Variants in THEMIS observed in about 807,000 individuals in gnomAD.
The protein encoded by THEMIS is protein THEMIS.
Under a neutral mutation model 52.6 loss-of-function variants are expected in THEMIS, and 37 were observed. The ratio of observed to expected loss-of-function variants is 0.70; its 90% confidence interval spans 0.54 to 0.93. THEMIS has a LOEUF of 0.93. Among genes scored for constraint, THEMIS ranks in the 40% least tolerant of loss-of-function variants. The pLI is 0.00. For synonymous variants in THEMIS, 292 were observed against 272.7 expected, an observed-to-expected ratio of 1.07 and a Z score of -0.70; for missense variants, 808 against 763.1, an observed-to-expected ratio of 1.06 and a Z score of -0.69.
chr6:127,886,059 A>C (rs1780635493), intron 1 of THEMIS, among the ~76,000 whole-genome samples: 1 of 151,980 alleles, frequency 6.6e-6, no homozygotes. Flanking sequence ...CCCTCCTTCC[A>C]GGCTCATTGG....
intron 2 of THEMIS, among the ~76,000 whole-genome samples, chr6:127,836,368 C>T (rs1778875107): frequency 6.6e-6 from 1 of 152,140 alleles, no homozygotes; most frequent in African/African-American, 2.4e-5. Context: ...AGGGTGAAAA[C>T]AGCAGCAATT....
intron 5 of THEMIS, among the ~76,000 whole-genome samples, chr6:127,716,397 C>T (rs1774162496): frequency 6.6e-6 from 1 of 151,846 alleles, no homozygotes; most frequent in South Asian, 2.1e-4. Context: ...AATGGCTGCG[C>T]CCTTGGCTGA....
chr6:127,769,883 T>C (rs1335475902), intron 4 of THEMIS, among the ~76,000 whole-genome samples: 1 of 152,228 alleles, frequency 6.6e-6, no homozygotes, highest in Non-Finnish European at 1.5e-5. Flanking sequence ...TTTGGTTTCC[T>C]GTCCTTGTGA....
intron 4 of THEMIS, among the ~76,000 whole-genome samples, chr6:127,759,169 A>T (rs1212373301): frequency 1.3e-5 from 2 of 152,172 alleles, no homozygotes; most frequent in Non-Finnish European, 1.5e-5. Flanking sequence ...ATGAAGTAAT[A>T]CTTTTAAATA....
chr6:127,788,269 C>A (rs1448598814), intron 4 of THEMIS, among the ~76,000 whole-genome samples: 1 of 152,158 alleles, frequency 6.6e-6, no homozygotes, highest in Non-Finnish European at 1.5e-5. Flanking sequence ...GGTCTTTCCT[C>A]AAAAAGATTG....
intron 4 of THEMIS, among the ~76,000 whole-genome samples, chr6:127,734,243 C>T (rs1392176487): frequency 6.6e-6 from 1 of 152,162 alleles, no homozygotes; most frequent in Admixed American, 6.5e-5. Context: ...TGAATCTTTA[C>T]TTGATAAGTT....
At chr6:127,770,182 C>A (rs1386531078) in intron 4 of THEMIS, among the ~76,000 whole-genome samples, 2 of 152,132 alleles carry the variant, frequency 1.3e-5, no homozygotes, top group Non-Finnish European at 2.9e-5. Flanking sequence ...GTTCTAGATC[C>A]TTGAGGAATT....
intron 4 of THEMIS, among the ~76,000 whole-genome samples, chr6:127,804,870 C>A (rs1305620792): frequency 6.6e-6 from 1 of 151,986 alleles, no homozygotes; most frequent in East Asian, 1.9e-4. Context: ...TTATTAAGGA[C>A]AAATGGTATG....
rs765954413 is a variant in THEMIS, at chr6:127,860,838, C to T, written c.92-5650G>A. The stretch of plus-strand genomic sequence containing the variant: ...CACTGTTTCGTGCATTAGCTAAAAA[C>T]GTATTTGTTTAATGGTAAATTTATT... On this transcript the variant is annotated intron_variant, in intron 1 of 5. Transcript: ENST00000368248. Among the ~76,000 whole-genome samples, 128 of 152,114 alleles carry T rather than the reference C, an allele frequency of 8.4e-4. 1 individual carries two copies. Among genetic ancestry groups the T allele is most frequent in the South Asian group, 1.5e-3 (7 of 4,810 alleles).
chr6:127,763,645 C>T (rs1036004512), intron 4 of THEMIS, among the ~76,000 whole-genome samples: 1 of 151,858 alleles, frequency 6.6e-6, no homozygotes, highest in African/African-American at 2.4e-5. Context: ...TTATTGTAAA[C>T]TTCATTTTCT....
chr6:127,908,416 A>G (rs772340944), intron 1 of THEMIS, among the ~76,000 whole-genome samples: 1 of 152,156 alleles, frequency 6.6e-6, no homozygotes, highest in South Asian at 2.1e-4. Context: ...GCAGTCAAGT[A>G]GATGAGCCTG....
intron 4 of THEMIS, among the ~76,000 whole-genome samples, chr6:127,797,181 G>T (rs1777358260): frequency 6.6e-6 from 1 of 152,296 alleles, no homozygotes; most frequent in African/African-American, 2.4e-5. Context: ...GGCCTTGGGA[G>T]AAAGTGGAAT....
chr6:127,904,036 G>GT (rs1333656214), upstream of THEMIS, among the ~76,000 whole-genome samples: 2 of 152,038 alleles, frequency 1.3e-5, no homozygotes, highest in Non-Finnish European at 2.9e-5. Context: ...GCTTTTATGG[G>GT]TTAGTAACTG....
At chr6:127,915,374 T>C (rs914520617) in intron 1 of THEMIS, among the ~76,000 whole-genome samples, 3 of 152,200 alleles carry the variant, frequency 2.0e-5, no homozygotes, top group African/African-American at 7.2e-5. Flanking sequence ...CCTAAGTTTG[T>C]GGCTTGGTAT....
intron 1 of THEMIS, among the ~76,000 whole-genome samples, chr6:127,878,932 GT>G (rs1780395643): frequency 6.6e-6 from 1 of 152,088 alleles, no homozygotes; most frequent in South Asian, 2.1e-4. Context: ...CCACTGTCAG[GT>G]TTTTAATGAA....
upstream of THEMIS, chr6:127,901,080 C>T (rs1483188730): frequency 3.0e-6 from 2 of 663,580 alleles, no homozygotes; most frequent in Non-Finnish European, 5.4e-6. Context: ...GGTGGAGTAG[C>T]TCTATGTGGG....
intron 1 of THEMIS, among the ~76,000 whole-genome samples, chr6:127,910,749 T>C (rs1053048526): frequency 6.6e-6 from 1 of 152,216 alleles, no homozygotes; most frequent in Non-Finnish European, 1.5e-5. Context: ...ATTATGATGG[T>C]GCATTTGTCA....
chr6:127,776,691 A>T (rs895222121), intron 4 of THEMIS, among the ~76,000 whole-genome samples: 1 of 152,220 alleles, frequency 6.6e-6, no homozygotes, highest in South Asian at 2.1e-4. Flanking sequence ...GTTTATACTT[A>T]TTAAGTTTTG....
intron 4 of THEMIS, among the ~76,000 whole-genome samples, chr6:127,750,468 G>A (rs780540404): frequency 2.4e-4 from 37 of 151,662 alleles, no homozygotes; most frequent in Admixed American, 2.0e-3. Flanking sequence ...ACTAATTATA[G>A]GCACAGTTTA....
Sources: allele counts gnomAD v4.1 joint callset (sites outside exome capture counted in the v4.1 genomes callset), GRCh38; gene constraint gnomAD v4.1.1; transcripts MANE v1.5; gene names NCBI Gene and HGNC (gene_info 2026-07-23, HGNC 2026-07-21).